Variants in ELMO1 observed in about 807,000 individuals in gnomAD.
ELMO1 encodes engulfment and cell motility protein 1.
Under a neutral mutation model 98.9 loss-of-function variants are expected in ELMO1, and 26 were observed. The observed-to-expected ratio is 0.26, with a 90% CI of 0.19 to 0.36. The LOEUF is 0.36. Ranked by LOEUF, ELMO1 falls within the 10% of genes least tolerant of loss-of-function variation. The probability of loss-of-function intolerance (pLI) is 1.00; values close to 1 mark genes in which losing one functional copy is unlikely to be tolerated. For missense variants in ELMO1, 627 were observed against 935.2 expected (o/e 0.67, Z 4.30); for synonymous variants, 346 against 346.0 (o/e 1.00, Z 0.00).
At chr7:37,258,473 G>C (rs11973854) in intron 6 of ELMO1, among the ~76,000 whole-genome samples, 6,950 of 152,022 alleles carry the variant, frequency 0.046, 374 homozygotes, top group African/African-American at 0.12. Flanking sequence ...GAGAGATAAT[G>C]GGTCCGCCCT....
chr7:37,311,671 C>T (rs1002257147), intron 4 of ELMO1, among the ~76,000 whole-genome samples: 3 of 152,208 alleles, frequency 2.0e-5, no homozygotes, highest in Non-Finnish European at 2.9e-5. Flanking sequence ...GCGTGCTGAG[C>T]TCCGTGACAC....
At chr7:36,944,784 C>T (rs529049318) in intron 16 of ELMO1, among the ~76,000 whole-genome samples, 117 of 152,266 alleles carry the variant, frequency 7.7e-4, no homozygotes, top group African/African-American at 2.7e-3. Flanking sequence ...TTAGTGAAAA[C>T]ATAGGCCCTC....
chr7:37,213,671 G>C (rs868071706), intron 11 of ELMO1, among the ~76,000 whole-genome samples: 1 of 152,254 alleles, frequency 6.6e-6, no homozygotes. Context: ...AAAACCTACT[G>C]TGGGCAGGAG....
In ELMO1 at chr7:36,932,528, G is replaced by A. The variant is rs141666126; in HGVS notation, c.1438-37511C>T. On this transcript the variant is annotated intron_variant, in intron 16 of 21. Coordinates refer to ENST00000310758, the MANE Select transcript of ELMO1 (RefSeq NM_014800.11). ...ATTGACTGTGGCTTACTCTTGTGGGGGCAAGGGCAACAGTGAGAATACAGT... is the reference window on the plus strand; with the variant it reads ...ATTGACTGTGGCTTACTCTTGTGGGAGCAAGGGCAACAGTGAGAATACAGT... Among the ~76,000 whole-genome samples the A allele has an allele frequency of 1.7e-4, 26 of 152,306 alleles. No homozygotes were observed. In the East Asian group the frequency reaches 4.4e-3, roughly 26 times the overall value.
At chr7:37,092,154 G>C (rs1207376422) in intron 15 of ELMO1, among the ~76,000 whole-genome samples, 1 of 151,962 alleles carries the variant, frequency 6.6e-6, no homozygotes, top group African/African-American at 2.4e-5. Flanking sequence ...CTGAAACTAA[G>C]AGAAAATATG....
chr7:36,853,337 A>T lies in ELMO1; in HGVS notation c.*2214T>A, dbSNP rs2129028016. Among the ~76,000 whole-genome samples the T allele has an allele frequency of 1.3e-5, 2 of 152,324 alleles. No homozygotes were observed. Among genetic ancestry groups the T allele is most frequent in the South Asian group, 4.1e-4 (2 of 4,824 alleles). On this transcript the variant is annotated 3_prime_UTR_variant, in exon 22 of 22. Coordinates refer to ENST00000310758, the MANE Select transcript of ELMO1 (RefSeq NM_014800.11). ...GGATCTCCCCAACCAAGGTCACAGGACAGATACATTTCTTAAACCCAGTGT... is the reference window on the plus strand; with the variant it reads ...GGATCTCCCCAACCAAGGTCACAGGTCAGATACATTTCTTAAACCCAGTGT...
chr7:37,402,950 T>C (rs989015504), intron 1 of ELMO1, among the ~76,000 whole-genome samples: 6 of 152,228 alleles, frequency 3.9e-5, no homozygotes, highest in African/African-American at 1.2e-4. Context: ...TCTAGGTATT[T>C]ACCCAAACAA....
At chr7:37,210,870 T>G (rs1201779037) in intron 13 of ELMO1, among the ~76,000 whole-genome samples, 1 of 152,094 alleles carries the variant, frequency 6.6e-6, no homozygotes, top group African/African-American at 2.4e-5. Flanking sequence ...GTGTTCTGAT[T>G]TGCAAACTAA....
intron 2 of ELMO1, among the ~76,000 whole-genome samples, chr7:37,331,434 A>G (rs556571717): frequency 5.5e-5 from 8 of 144,416 alleles, no homozygotes; most frequent in African/African-American, 1.5e-4. Flanking sequence ...CGCCCGCCTC[A>G]GCCTCCCAAA....
At chr7:37,399,411 G>A (rs750095221) in intron 1 of ELMO1, among the ~76,000 whole-genome samples, 1 of 152,112 alleles carries the variant, frequency 6.6e-6, no homozygotes, top group Non-Finnish European at 1.5e-5. Flanking sequence ...CAGGGCCAGG[G>A]CATAAACCCA....
chr7:37,292,786 A>G (rs1583474460), intron 4 of ELMO1, among the ~76,000 whole-genome samples: 5 of 58,536 alleles, frequency 8.5e-5, no homozygotes, highest in Admixed American at 1.9e-4. Context: ...GGAGGGAGGG[A>G]GGTGGGGGGG....
At chr7:36,926,705 G>A (rs1007654786) in intron 16 of ELMO1, among the ~76,000 whole-genome samples, 1 of 152,122 alleles carries the variant, frequency 6.6e-6, no homozygotes, top group Non-Finnish European at 1.5e-5. Flanking sequence ...CTTAATATAC[G>A]GAGATGCAAA....
At chr7:37,037,372 A>G (rs1795242791) in intron 15 of ELMO1, among the ~76,000 whole-genome samples, 1 of 152,184 alleles carries the variant, frequency 6.6e-6, no homozygotes, top group Non-Finnish European at 1.5e-5. Flanking sequence ...CCCCAGGTCA[A>G]GCCAAAAAGT....
chr7:36,901,285 A>G (rs1806486917), intron 16 of ELMO1, among the ~76,000 whole-genome samples: 1 of 151,974 alleles, frequency 6.6e-6, no homozygotes, highest in African/African-American at 2.4e-5. Flanking sequence ...GGAGAGAGAA[A>G]ATAAAGGTGC....
At chr7:37,328,826 C>G (rs1449462842) in intron 2 of ELMO1, among the ~76,000 whole-genome samples, 1 of 152,212 alleles carries the variant, frequency 6.6e-6, no homozygotes, top group Non-Finnish European at 1.5e-5. Context: ...CTGTCTCAGA[C>G]CATTTCAACC....
chr7:37,244,130 A>G (rs1794883872), intron 7 of ELMO1, among the ~76,000 whole-genome samples: 1 of 152,214 alleles, frequency 6.6e-6, no homozygotes, highest in Non-Finnish European at 1.5e-5. Context: ...CTTAGTGGTT[A>G]CATACATAAA....
At chr7:37,418,739 G>C (rs549165739) in intron 1 of ELMO1, among the ~76,000 whole-genome samples, 1 of 152,284 alleles carries the variant, frequency 6.6e-6, no homozygotes, top group South Asian at 2.1e-4. Context: ...ACACAGATGC[G>C]GGCAGGCAGA....
intron 13 of ELMO1, among the ~76,000 whole-genome samples, chr7:37,149,201 G>A (rs1788200206): frequency 6.6e-6 from 1 of 152,184 alleles, no homozygotes; most frequent in South Asian, 2.1e-4. Flanking sequence ...CCCTAGCATA[G>A]GGCTGCAGCA....
At chr7:36,891,165 G>A (rs1805516121) in intron 17 of ELMO1, among the ~76,000 whole-genome samples, 1 of 152,206 alleles carries the variant, frequency 6.6e-6, no homozygotes, top group Admixed American at 6.5e-5. Context: ...TTAACTTGCT[G>A]TCATCTTATT....
Sources: gnomAD v4.1 joint callset for allele counts (sites outside exome capture counted in the v4.1 genomes callset) on GRCh38, gnomAD v4.1.1 for gene constraint, MANE v1.5 for transcripts, NCBI Gene and HGNC (gene_info 2026-07-23, HGNC 2026-07-21) for gene names.